CREB5: variants seen among roughly 807,000 people sequenced by gnomAD.
CREB5 encodes cAMP responsive element binding protein 5, also known as cyclic AMP-responsive element-binding protein 5.
A neutral mutation model predicts 57.1 loss-of-function variants in CREB5; 19 were observed. That is an observed-to-expected ratio of 0.33 (90% CI 0.23 to 0.49). The LOEUF (loss-of-function observed/expected upper bound fraction) is 0.49, where lower values mean the gene tolerates loss of function less well. Ranked by LOEUF, CREB5 falls within the 20% of genes least tolerant of loss-of-function variation. CREB5 has a pLI of 0.99. For missense variants in CREB5, 579 were observed against 671.6 expected (o/e 0.86, Z 1.52); for synonymous variants, 238 against 238.3 (o/e 1.00, Z 0.01).
chr7:28,806,393 G>A (rs938451470), intron 8 of CREB5, among the ~76,000 whole-genome samples: 1 of 152,092 alleles, frequency 6.6e-6, no homozygotes, highest in Non-Finnish European at 1.5e-5. Flanking sequence ...GCTGATTACT[G>A]AGATCTTGCC....
chr7:28,496,606 G>A (rs185273239), intron 3 of CREB5, among the ~76,000 whole-genome samples: 58 of 152,198 alleles, frequency 3.8e-4, no homozygotes, highest in South Asian at 3.7e-3. Flanking sequence ...CACGGCTACT[G>A]CATCATCAGA....
intron 5 of CREB5, among the ~76,000 whole-genome samples, chr7:28,709,703 G>T (rs1284774510): frequency 2.7e-5 from 4 of 150,738 alleles, no homozygotes; most frequent in Non-Finnish European, 5.9e-5. Context: ...AAAAAAAGAA[G>T]AAGAAGTTAT....
intron 7 of CREB5, among the ~76,000 whole-genome samples, chr7:28,793,089 C>T (rs1287633749): frequency 6.6e-6 from 1 of 152,158 alleles, no homozygotes; most frequent in African/African-American, 2.4e-5. Context: ...CTCTCTCTCT[C>T]TCACTTCCCC....
intron 5 of CREB5, among the ~76,000 whole-genome samples, chr7:28,697,236 T>C (rs1359067471): frequency 6.6e-6 from 1 of 152,104 alleles, no homozygotes; most frequent in Admixed American, 6.6e-5. Flanking sequence ...GGCCCCCTAA[T>C]GAAGTGCAGT....
intron 4 of CREB5, among the ~76,000 whole-genome samples, chr7:28,540,007 T>A (rs1794143411): frequency 1.3e-5 from 2 of 152,232 alleles, no homozygotes; most frequent in South Asian, 4.1e-4. Context: ...GTGGGGTCTT[T>A]CAGGGAAATT....
chr7:28,444,837 A>G (rs1299287432), intron 1 of CREB5, among the ~76,000 whole-genome samples: 2 of 152,224 alleles, frequency 1.3e-5, no homozygotes, highest in Non-Finnish European at 2.9e-5. Flanking sequence ...CTGAAACCAT[A>G]GCAGAGTGGG....
At chr7:28,697,262 A>G (rs1191384368) in intron 5 of CREB5, among the ~76,000 whole-genome samples, 1 of 152,138 alleles carries the variant, frequency 6.6e-6, no homozygotes, top group Non-Finnish European at 1.5e-5. Context: ...TTGGAAACAC[A>G]CTGGTATCAT....
intron 1 of CREB5, among the ~76,000 whole-genome samples, chr7:28,465,402 G>A (rs1252395492): frequency 6.6e-6 from 1 of 152,172 alleles, no homozygotes; most frequent in Admixed American, 6.5e-5. Flanking sequence ...TAACCCATAG[G>A]ATCCAGAGCC....
At chr7:28,801,849 G>A (rs1264427213) in intron 7 of CREB5, among the ~76,000 whole-genome samples, 1 of 152,028 alleles carries the variant, frequency 6.6e-6, no homozygotes, top group Non-Finnish European at 1.5e-5. Flanking sequence ...CTCTTTGGGA[G>A]GCCGAGGCAG....
chr7:28,574,716 T>C (rs1267116310), intron 5 of CREB5, among the ~76,000 whole-genome samples: 1 of 152,188 alleles, frequency 6.6e-6, no homozygotes, highest in Non-Finnish European at 1.5e-5. Flanking sequence ...GCCAAATATA[T>C]CTAACATTAG....
At chr7:28,684,592 G>A (rs1175350105) in intron 5 of CREB5, among the ~76,000 whole-genome samples, 1 of 152,192 alleles carries the variant, frequency 6.6e-6, no homozygotes, top group African/African-American at 2.4e-5. Flanking sequence ...TAAGCTGAGA[G>A]ATTTCTCCAA....
At chr7:28,369,714 A>G (rs773493291) in intron 1 of CREB5, among the ~76,000 whole-genome samples, 3 of 152,168 alleles carry the variant, frequency 2.0e-5, no homozygotes, top group Non-Finnish European at 2.9e-5. Flanking sequence ...GCTTGCCTCA[A>G]GGCAGGGCAG....
At chr7:28,394,187 A>G (rs1562689566) in intron 1 of CREB5, among the ~76,000 whole-genome samples, 2 of 151,492 alleles carry the variant, frequency 1.3e-5, no homozygotes, top group East Asian at 3.9e-4. Flanking sequence ...AATATAATTG[A>G]TATTTTAAGA....
At chr7:28,425,815 A>G (rs17156685) in intron 1 of CREB5, among the ~76,000 whole-genome samples, 12,822 of 152,226 alleles carry the variant, frequency 0.084, 827 homozygotes, top group Admixed American at 0.19. Flanking sequence ...AATGGCCTTC[A>G]CTGCACCTTT....
At chr7:28,819,012 T>A in intron 10 of CREB5, 104 bp from the exon 11 acceptor site, 1 of 1,286,250 alleles carries the variant, frequency 7.8e-7, no homozygotes, top group Non-Finnish European at 1.1e-6. Flanking sequence ...CTATTTCAAG[T>A]AAATATCTAG....
At chr7:28,786,378 C>G (rs562220435) in intron 7 of CREB5, among the ~76,000 whole-genome samples, 1 of 152,284 alleles carries the variant, frequency 6.6e-6, no homozygotes, top group South Asian at 2.1e-4. Context: ...TCCCAAGTAG[C>G]TCAGATTACA....
rs755453263 is a variant in CREB5, at chr7:28,570,397, C to A, written c.324C>A (p.Ala108=). 3 of 1,613,930 alleles carry A rather than the reference C, an allele frequency of 1.9e-6. No homozygotes were observed. In the Admixed American group the frequency reaches 5.0e-5, roughly 27 times the overall value. ...NISMHNAVGG[A]MTGPGTHQLS... The stretch of plus-strand genomic sequence containing the variant: ...CGATGCATAATGCAGTTGGTGGGGC[C>A]ATGACGGGGCCCGGAACTCACCAGC... The change falls in exon 5 of 11, where the codon GCC becomes GCA. Residue 108 remains alanine, a synonymous_variant. Coordinates refer to ENST00000357727, the MANE Select transcript of CREB5 (RefSeq NM_182898.4).
At chr7:28,431,610 G>A (rs1017180830) in intron 1 of CREB5, among the ~76,000 whole-genome samples, 11 of 152,170 alleles carry the variant, frequency 7.2e-5, no homozygotes, top group Non-Finnish European at 1.6e-4. Context: ...TCCTAAGCAA[G>A]AGTAGCAAAA....
intron 5 of CREB5, among the ~76,000 whole-genome samples, chr7:28,664,936 A>AG (rs1424361289): frequency 6.6e-6 from 1 of 152,170 alleles, no homozygotes; most frequent in Non-Finnish European, 1.5e-5. Flanking sequence ...GTGTTGTGTC[A>AG]GGGAAGTCTG....
Sources: gnomAD v4.1 joint callset for allele counts (sites outside exome capture counted in the v4.1 genomes callset) on GRCh38, gnomAD v4.1.1 for gene constraint, MANE v1.5 for transcripts, NCBI Gene and HGNC (gene_info 2026-07-23, HGNC 2026-07-21) for gene names.